HPS4: variants seen among roughly 807,000 people sequenced by gnomAD.
HPS4 encodes HPS4 biogenesis of lysosomal organelles complex 3 subunit 2.
HPS4 carries 44 observed loss-of-function variants against 70.3 expected under a neutral mutation model. The ratio of observed to expected loss-of-function variants is 0.63; its 90% CI spans 0.49 to 0.80. HPS4 has a LOEUF of 0.80. HPS4 is among the 30% of genes least tolerant of loss of function. HPS4 has a pLI of 0.00. For missense variants in HPS4, 873 were observed against 884.4 expected, an observed-to-expected ratio of 0.99 and a Z score of 0.16; for synonymous variants, 377 against 355.9, an observed-to-expected ratio of 1.06 and a Z score of -0.67.
chr22:26,460,407 G>A (rs1378464239), intron 11 of HPS4, among the ~76,000 whole-genome samples: 1 of 152,216 alleles, frequency 6.6e-6, no homozygotes, highest in African/African-American at 2.4e-5. Flanking sequence ...ACGCACACGG[G>A]CACACATAAG....
chr22:26,443,161 G>A (rs751325098), downstream of HPS4: 34 of 1,614,008 alleles, frequency 2.1e-5, no homozygotes, highest in South Asian at 6.6e-5. Context: ...ACGTCGCAGC[G>A]GCCGAACGGC....
chr22:26,462,647 T>C (rs113243198), intron 11 of HPS4, among the ~76,000 whole-genome samples: 138 of 152,340 alleles, frequency 9.1e-4, no homozygotes, highest in Middle Eastern at 3.4e-3. Flanking sequence ...ATCCACTTTA[T>C]TGCATTCAAA....
At chr22:26,476,294 C>T (rs1415837564) in intron 4 of HPS4, 2 of 151,972 alleles carry the variant, frequency 1.3e-5, no homozygotes, top group African/African-American at 4.8e-5. Flanking sequence ...TAAATGTAGC[C>T]ATGGGAAACA....
downstream of HPS4, among the ~76,000 whole-genome samples, chr22:26,446,398 G>A (rs1055153340): frequency 6.6e-6 from 1 of 152,204 alleles, no homozygotes; most frequent in Non-Finnish European, 1.5e-5. Flanking sequence ...ATACTGTGGG[G>A]GAGAGGAGTG....
chr22:26,461,040 T>C (rs890334852), intron 11 of HPS4, among the ~76,000 whole-genome samples: 1 of 152,218 alleles, frequency 6.6e-6, no homozygotes, highest in African/African-American at 2.4e-5. Flanking sequence ...TACTGCTACA[T>C]AATGTGATCC....
At chr22:26,466,683 C>T (rs1226401192) in intron 8 of HPS4, 3 of 278,632 alleles carry the variant, frequency 1.1e-5, no homozygotes, top group African/African-American at 6.5e-5. Flanking sequence ...TGTCAAAATA[C>T]TGTGACTCTC....
intron 3 of HPS4, among the ~76,000 whole-genome samples, chr22:26,478,002 G>A (rs2090785746): frequency 6.6e-6 from 1 of 152,072 alleles, no homozygotes; most frequent in Non-Finnish European, 1.5e-5. Flanking sequence ...AAAAAGAAAT[G>A]GAAGGATGGA....
rs134978 is a variant in HPS4, at chr22:26,452,004, G to GCACACA, written c.*1223_*1228dup. 33 of 106,186 alleles carry GCACACA rather than the reference G, an allele frequency of 3.1e-4. No homozygotes were observed. Among genetic ancestry groups the GCACACA allele is most frequent in the South Asian group, 2.1e-3 (9 of 4,314 alleles). 6.6% of individuals were successfully genotyped at this position (106,186 alleles called of 1,614,324 possible). On this transcript the variant is annotated 3_prime_UTR_variant, in exon 14 of 14. Transcript: ENST00000398145. ...CCACGTTACGCGCGCGCGCGCGCGCGCACACACACACACACACACACACAC... is the reference window on the plus strand; with the variant it reads ...CCACGTTACGCGCGCGCGCGCGCGCGCACACACACACACACACACACACACACACAC...
At chr22:26,472,011 A>C (rs2089888044) in intron 6 of HPS4, among the ~76,000 whole-genome samples, 1 of 152,214 alleles carries the variant, frequency 6.6e-6, no homozygotes, top group Non-Finnish European at 1.5e-5. Context: ...ACTGAGTTCA[A>C]CACTTCTGAG....
chr22:26,463,771 G>C (rs758981926), intron 11 of HPS4, 146 bp downstream of exon 11: 1 of 838,238 alleles, frequency 1.2e-6, no homozygotes, highest in Non-Finnish European at 1.9e-6. Flanking sequence ...TACCTCCATC[G>C]TCTAAACAAG....
At chr22:26,450,137 A>T (rs556510087), downstream of HPS4, among the ~76,000 whole-genome samples, 110 of 152,296 alleles carry the variant, frequency 7.2e-4, no homozygotes, top group African/African-American at 2.5e-3. Context: ...TCTTCGTCTC[A>T]AGATCCTTCA....
At chr22:26,456,242 T>C (rs188242577) in intron 13 of HPS4, among the ~76,000 whole-genome samples, 5 of 152,364 alleles carry the variant, frequency 3.3e-5, no homozygotes, top group Admixed American at 3.3e-4. Context: ...AGGTCATACA[T>C]GTGCTTAACA....
chr22:26,448,672 C>T (rs948746280), downstream of HPS4, among the ~76,000 whole-genome samples: 1 of 152,196 alleles, frequency 6.6e-6, no homozygotes, highest in Non-Finnish European at 1.5e-5. Context: ...GACAGGATTC[C>T]AAAGCACTCT....
chr22:26,476,668 T>G, intron 4 of HPS4: 1 of 328,024 alleles, frequency 3.0e-6, no homozygotes, highest in Non-Finnish European at 5.9e-6. Flanking sequence ...ACCCAGTAAG[T>G]GTAGAGAGCA....
At chr22:26,455,932 C>CA (rs1439836901) in intron 13 of HPS4, among the ~76,000 whole-genome samples, 2 of 152,158 alleles carry the variant, frequency 1.3e-5, no homozygotes, top group Non-Finnish European at 2.9e-5. Context: ...TCCCACAAAA[C>CA]AGACACACAC....
At chr22:26,480,543 G>A (rs1472964143) in intron 2 of HPS4, among the ~76,000 whole-genome samples, 2 of 152,120 alleles carry the variant, frequency 1.3e-5, no homozygotes, top group Non-Finnish European at 2.9e-5. Flanking sequence ...TGGGACCAAT[G>A]TGTCATCTGC....
At position 26,472,851 on chromosome 22, in the gene HPS4, G is replaced by A; in HGVS notation, c.365C>T (p.Pro122Leu). Residue 122 changes from proline to leucine, a missense_variant, in exon 5 of 14, where the codon CCT becomes CTT. Pro to Leu is a moderately conservative substitution (Grantham distance 98). Coordinates refer to ENST00000398145, the MANE Select transcript of HPS4 (RefSeq NM_022081.6). The stretch of plus-strand genomic sequence containing the variant: ...TTGTACCTCATAAGCTAGGGAAACA[G>A]GTCCATTGTAAAAATTAAAGAATCC... ...LVGFFNFYNG[P>L]VSLAYENCSQ... is the part of the protein sequence containing the mutation. 1 of 1,613,908 alleles carries A rather than the reference G, an allele frequency of 6.2e-7. No homozygotes were observed. Among genetic ancestry groups the A allele is most frequent in the Admixed American group, 1.7e-5 (1 of 60,022 alleles).
rs2085313179 is a variant in HPS4 at position 26,452,036 on chromosome 22, ACACAC to A, written c.*1192_*1196del. 1 of 318,220 alleles carries A rather than the reference ACACAC, an allele frequency of 3.1e-6. No homozygotes were observed. The highest frequency in any genetic ancestry group is 2.3e-5 in the African/African-American group (1 of 44,022). 19.7% of individuals were successfully genotyped at this position (318,220 alleles called of 1,614,324 possible). On this transcript the variant is annotated 3_prime_UTR_variant, in exon 14 of 14. Transcript: ENST00000398145. ...CACACACACACACACACACACACAC[ACACAC>A]ACTGTCTTAACCCTTACCTTTGTCA... is the stretch of plus-strand genomic sequence containing the variant.
intron 3 of HPS4, among the ~76,000 whole-genome samples, chr22:26,479,010 G>A (rs929606341): frequency 6.6e-6 from 1 of 152,106 alleles, no homozygotes; most frequent in Admixed American, 6.5e-5. Flanking sequence ...AAACCAAGCT[G>A]ATCAAAAAAT....
Sources: allele counts gnomAD v4.1 joint callset (sites outside exome capture counted in the v4.1 genomes callset), GRCh38; gene constraint gnomAD v4.1.1; transcripts MANE v1.5; gene names NCBI Gene and HGNC (gene_info 2026-07-23, HGNC 2026-07-21).